TMEM204: variants seen among roughly 807,000 people sequenced by gnomAD.
The protein encoded by TMEM204 is claudin-like protein 24.
A neutral mutation model predicts 19.4 loss-of-function variants in TMEM204; 15 were observed. That is an observed-to-expected ratio of 0.77 (90% confidence interval 0.52 to 1.19). The LOEUF is 1.19. TMEM204 is among the 50% of genes most tolerant of loss of function. The pLI, the probability that TMEM204 is intolerant of heterozygous loss-of-function variation, is 0.00. For missense variants in TMEM204, 287 were observed against 321.2 expected, an observed-to-expected ratio of 0.89 and a Z score of 0.81; for synonymous variants, 161 against 146.0, an observed-to-expected ratio of 1.10 and a Z score of -0.74.
intron 2 of TMEM204, among the ~76,000 whole-genome samples, chr16:1,548,548 T>A (rs779353281): frequency 6.6e-6 from 1 of 152,240 alleles, no homozygotes; most frequent in Non-Finnish European, 1.5e-5. Context: ...TCCCTTACAT[T>A]TGTTTCTAGA....
chr16:1,553,226 A>G lies in TMEM204; in HGVS notation c.437-1556A>G, dbSNP rs2032817170. On this transcript the variant is annotated intron_variant, in intron 2 of 2. Transcript: ENST00000566264. The surrounding 1 kb of genome is among the most constrained non-coding windows in gnomAD (Gnocchi z 4.4). ...TCTGTCTCTGTCTCTCTCTGTCTCC[A>G]TCTGTCTCTGTGTCTGTCTCTGTCT... is the stretch of plus-strand genomic sequence containing the variant. The G allele has an allele frequency of 2.0e-6, 2 of 976,066 alleles. No individual in the cohort carries two copies. Among genetic ancestry groups the G allele is most frequent in the Non-Finnish European group, 2.4e-6 (2 of 823,008 alleles). 60.5% of individuals were successfully genotyped at this position (976,066 alleles called of 1,614,324 possible). A position where few individuals can be genotyped will look rare whatever the true frequency, so the allele number is the denominator to read the frequency against.
At chr16:1,530,106 T>C (rs1419079072), upstream of TMEM204, among the ~76,000 whole-genome samples, 1 of 149,592 alleles carries the variant, frequency 6.7e-6, no homozygotes, top group Non-Finnish European at 1.5e-5. Flanking sequence ...TTTACTCTCC[T>C]GTCCCAAAAG....
At chr16:1,539,728 C>T (rs2031445015) in intron 1 of TMEM204, among the ~76,000 whole-genome samples, 1 of 152,240 alleles carries the variant, frequency 6.6e-6, no homozygotes, top group Non-Finnish European at 1.5e-5. Context: ...CGAGGGGCAG[C>T]TGCTGCCGCT....
intron 1 of TMEM204, 84 bp from the exon 2 acceptor site, chr16:1,541,835 CAG>C: frequency 1.4e-6 from 2 of 1,454,844 alleles, no homozygotes; most frequent in South Asian, 1.4e-5. Flanking sequence ...CCGAGGCAAA[CAG>C]AGACCACGAA....
At chr16:1,542,121 G>T in intron 2 of TMEM204, 45 bp downstream of exon 2, 1 of 1,522,320 alleles carries the variant, frequency 6.6e-7, no homozygotes, top group Non-Finnish European at 8.8e-7. Flanking sequence ...TGCCCCCTGT[G>T]GCCTTCTGGT....
chr16:1,554,386 G>T (rs1012870171), intron 2 of TMEM204, among the ~76,000 whole-genome samples: 1 of 152,194 alleles, frequency 6.6e-6, no homozygotes, highest in Non-Finnish European at 1.5e-5. Flanking sequence ...TGCTGAGTCT[G>T]GGGGGCTAGG....
At chr16:1,531,286 G>A (rs2030460610), upstream of TMEM204, 1 of 152,286 alleles carries the variant, frequency 6.6e-6, no homozygotes, top group Non-Finnish European at 1.5e-5. The surrounding 1 kb of genome is among the most constrained non-coding windows in gnomAD (Gnocchi z 4.7). Flanking sequence ...GGAACAAGAA[G>A]CAGATGGGCG....
chr16:1,544,272 C>G (rs945529077), intron 2 of TMEM204, among the ~76,000 whole-genome samples: 1 of 151,932 alleles, frequency 6.6e-6, no homozygotes, highest in Non-Finnish European at 1.5e-5. Context: ...CAAGCTCCAC[C>G]TCCCGGGTTC....
intron 2 of TMEM204, among the ~76,000 whole-genome samples, chr16:1,549,444 G>C (rs936795987): frequency 6.6e-6 from 1 of 152,192 alleles, no homozygotes. Flanking sequence ...TTTGTTTTTT[G>C]AGACTGGCTT....
At position 1,534,202 on chromosome 16, in the gene TMEM204, C is replaced by G. The variant is rs1265637009; in HGVS notation, c.-74C>G. 4 of 1,569,926 alleles carry G rather than the reference C, an allele frequency of 2.5e-6. No individual in the cohort carries two copies. The highest frequency in any genetic ancestry group is 3.4e-6 in the Non-Finnish European group (4 of 1,164,216). ...GTCCTCTAGCCACCCCTAGCAGCGT[C>G]GGCTCTCCCTGGACGTGCGGCCGCG... On this transcript the variant is annotated 5_prime_UTR_variant, in exon 1 of 3. Coordinates refer to ENST00000566264, the MANE Select transcript of TMEM204 (RefSeq NM_024600.6).
chr16:1,544,407 G>T (rs367599526), intron 2 of TMEM204, among the ~76,000 whole-genome samples: 2 of 151,792 alleles, frequency 1.3e-5, no homozygotes, highest in South Asian at 2.1e-4. Flanking sequence ...GGATGGTCTC[G>T]ATCTCCTGAC....
At position 1,553,279 on chromosome 16, in the gene TMEM204, T is replaced by C. The variant is rs112724253; in HGVS notation, c.437-1503T>C. On this transcript the variant is annotated intron_variant, in intron 2 of 2. Coordinates refer to ENST00000566264, the MANE Select transcript of TMEM204 (RefSeq NM_024600.6). The surrounding 1 kb of genome is among the most constrained non-coding windows in gnomAD (Gnocchi z 4.4). Reference sequence around the variant, plus strand: ...CTGTATCTCTCTTGGTCTCTGTCTCTCTGTGTCTCTGCCTGTCTCTCTGTG... The same window carrying C: ...CTGTATCTCTCTTGGTCTCTGTCTCCCTGTGTCTCTGCCTGTCTCTCTGTG... The C allele has an allele frequency of 1.6e-5, 16 of 981,562 alleles. No homozygotes were observed. The African/African-American group carries it at 2.3e-4, about 14-fold the overall frequency. The allele number at this position is 981,562 out of a possible 1,614,324, so 60.8% of individuals were successfully genotyped here. A position where few individuals can be genotyped will look rare whatever the true frequency, so the allele number is the denominator to read the frequency against.
chr16:1,541,111 G>T (rs2076442), intron 1 of TMEM204: 338,090 of 985,182 alleles, frequency 0.34, 61,679 homozygotes, highest in African/African-American at 0.64. Flanking sequence ...GGCTCCATCT[G>T]CCCCTGACCA....
chr16:1,543,539 C>G (rs2031857468), intron 2 of TMEM204, among the ~76,000 whole-genome samples: 1 of 152,248 alleles, frequency 6.6e-6, no homozygotes, highest in African/African-American at 2.4e-5. Context: ...GGAGCTGTGT[C>G]TTGGCTCCAT....
In TMEM204 at chr16:1,555,025, G is replaced by A. The variant is rs1357361318; in HGVS notation, c.680G>A (p.Ter227=). The change falls in exon 3 of 3, where the codon TGA becomes TAA. Residue 227 remains the stop codon, a stop_retained_variant. Coordinates refer to ENST00000566264, the MANE Select transcript of TMEM204 (RefSeq NM_024600.6). Reference sequence around the variant, plus strand: ...AATGACTACGTGGAGTCACCATGCTGAGTCGCCCTTCTCAGCGCTCCATCA... The same window carrying A: ...AATGACTACGTGGAGTCACCATGCTAAGTCGCCCTTCTCAGCGCTCCATCA... The part of the protein sequence containing the change: ...LDNDYVESPC[*] 3 of 1,607,352 alleles carry A rather than the reference G, an allele frequency of 1.9e-6. No individual in the cohort carries two copies. Among genetic ancestry groups the A allele is most frequent in the Non-Finnish European group, 2.5e-6 (3 of 1,176,938 alleles).
At chr16:1,534,695 A>AG in intron 1 of TMEM204, 140 bp downstream of exon 1, 1 of 1,269,952 alleles carries the variant, frequency 7.9e-7, no homozygotes, top group Non-Finnish European at 1.1e-6. Context: ...GGCAGGCAGG[A>AG]GGGGGCACTG....
rs547567904 is a variant in TMEM204, at chr16:1,548,217, A to G, written c.436+6141A>G. 3.3e-4 allele frequency among the ~76,000 whole-genome samples: 51 copies of G among 152,336 alleles called. 1 individual carries two copies. The highest frequency in any genetic ancestry group is 1.1e-3 in the African/African-American group (47 of 41,568). ...GTGGCCAGGGGGCCGTCTGCTCCGC[A>G]TAGATTCTCTTTAGAGCCAGTTGCA... On this transcript the variant is annotated intron_variant, in intron 2 of 2. Coordinates refer to ENST00000566264, the MANE Select transcript of TMEM204 (RefSeq NM_024600.6).
chr16:1,555,009 G>A lies in TMEM204; in HGVS notation c.664G>A (p.Val222Met), dbSNP rs776603275. The change falls in exon 3 of 3, where the codon GTG becomes ATG. Residue 222 changes from valine (V) to methionine (M), a missense_variant. Physicochemically the swap from Val to Met is conservative, Grantham distance 21 (BLOSUM62 1). Transcript: ENST00000566264. ...RFRRGLDNDYVESPC is the reference protein window; with the variant it reads ...RFRRGLDNDYMESPC ...TCGCCGTGGGCTGGACAATGACTAC[G>A]TGGAGTCACCATGCTGAGTCGCCCT... 3 of 1,611,690 alleles carry A rather than the reference G, an allele frequency of 1.9e-6. No homozygotes were observed. The highest frequency in any genetic ancestry group is 1.7e-5 in the Admixed American group (1 of 59,982).
chr16:1,552,486 C>G (rs1048135952), intron 2 of TMEM204, among the ~76,000 whole-genome samples: 1 of 152,166 alleles, frequency 6.6e-6, no homozygotes, highest in Non-Finnish European at 1.5e-5. Context: ...CATGAGTGGA[C>G]GCTGTTCAAA....
Sources: allele counts gnomAD v4.1 joint callset (sites outside exome capture counted in the v4.1 genomes callset), GRCh38; gene constraint gnomAD v4.1.1; non-coding constraint Gnocchi (gnomAD v3.1); transcripts MANE v1.5; gene names NCBI Gene and HGNC (gene_info 2026-07-23, HGNC 2026-07-21).